Variants in ZBTB16 observed in about 807,000 individuals in gnomAD.
ZBTB16 encodes zinc finger and BTB domain-containing protein 16.
A neutral mutation model predicts 56.8 loss-of-function variants in ZBTB16; 8 were observed. The ratio of observed to expected loss-of-function variants is 0.14; its 90% CI spans 0.08 to 0.25. ZBTB16 has a LOEUF of 0.25. Ranked by LOEUF, ZBTB16 falls within the 10% of genes least tolerant of loss-of-function variation. The probability of loss-of-function intolerance (pLI) is 1.00; values close to 1 mark genes in which losing one functional copy is unlikely to be tolerated. For synonymous variants in ZBTB16, 363 were observed against 368.5 expected (o/e 0.98, Z 0.17); for missense variants, 625 against 903.0 (o/e 0.69, Z 3.95).
chr11:114,075,629 GTATA>G (rs10526570), intron 2 of ZBTB16, among the ~76,000 whole-genome samples: 1 of 141,022 alleles, frequency 7.1e-6, no homozygotes, highest in Non-Finnish European at 1.5e-5. Flanking sequence ...GCTAATTTTT[GTATA>G]TATATATATA....
At chr11:114,120,686 G>C (rs958190544) in intron 2 of ZBTB16, among the ~76,000 whole-genome samples, 5 of 152,204 alleles carry the variant, frequency 3.3e-5, no homozygotes, top group African/African-American at 1.2e-4. Flanking sequence ...TTCGGATGCT[G>C]TATTTACTTA....
intron 4 of ZBTB16, among the ~76,000 whole-genome samples, chr11:114,230,793 C>T (rs908913277): frequency 6.6e-6 from 1 of 151,966 alleles, no homozygotes; most frequent in African/African-American, 2.4e-5. Flanking sequence ...ATCAGTATTT[C>T]GTTTTATTTT....
intron 4 of ZBTB16, among the ~76,000 whole-genome samples, chr11:114,198,085 G>A (rs557669540): frequency 6.6e-6 from 1 of 152,206 alleles, no homozygotes; most frequent in South Asian, 2.1e-4. Context: ...GTATCGGGGA[G>A]GACAGGACAG....
intron 4 of ZBTB16, among the ~76,000 whole-genome samples, chr11:114,235,598 TTC>T (rs1403255044): frequency 6.6e-6 from 1 of 151,560 alleles, no homozygotes; most frequent in African/African-American, 2.4e-5. Context: ...CTTTCTCCCT[TTC>T]TCTCTCTTTC....
chr11:114,237,080 T>G (rs1239410030), intron 4 of ZBTB16: 4 of 152,262 alleles, frequency 2.6e-5, no homozygotes, highest in African/African-American at 9.7e-5. Context: ...TGCACAAGGG[T>G]GCCCAGCTGA....
At chr11:114,211,352 C>T (rs1020188604) in intron 4 of ZBTB16, among the ~76,000 whole-genome samples, 3 of 152,332 alleles carry the variant, frequency 2.0e-5, no homozygotes, top group South Asian at 2.1e-4. Flanking sequence ...CTGTCATTAA[C>T]TGTCACTGTG....
At position 114,175,121 on chromosome 11, in the gene ZBTB16, A is replaced by G. The variant is rs146118916; in HGVS notation, c.1367-11831A>G. 2.4e-3 allele frequency among the ~76,000 whole-genome samples: 366 copies of G among 152,352 alleles called. 1 individual carries two copies. Among genetic ancestry groups the G allele is most frequent in the African/African-American group, 8.2e-3 (343 of 41,580 alleles). On this transcript the variant is annotated intron_variant, in intron 3 of 6. Transcript: ENST00000335953. The stretch of plus-strand genomic sequence containing the variant: ...CAGGACTTCAAAGTTGCACAACAGC[A>G]GTGACACCACTCACTCAGAAATGGG...
chr11:114,109,427 C>T (rs552894972), intron 2 of ZBTB16, among the ~76,000 whole-genome samples: 7 of 152,294 alleles, frequency 4.6e-5, no homozygotes, highest in East Asian at 3.9e-4. Context: ...AGGCTCTGTC[C>T]GCCATGCCCT....
At position 114,060,535 on chromosome 11, in the gene ZBTB16, C is replaced by A. The variant is rs186869677; in HGVS notation, c.-91+653C>A. The A allele has an allele frequency of 1.3e-5, 2 of 151,944 alleles. No homozygotes were observed. The highest frequency in any genetic ancestry group is 2.9e-5 in the Non-Finnish European group (2 of 67,982). 9.4% of individuals were successfully genotyped at this position (151,944 alleles called of 1,614,324 possible). A position where few individuals can be genotyped will look rare whatever the true frequency, so the allele number is the denominator to read the frequency against. On this transcript the variant is annotated intron_variant, in intron 1 of 6. Coordinates refer to ENST00000335953, the MANE Select transcript of ZBTB16 (RefSeq NM_006006.6). The surrounding 1 kb of genome is among the most constrained non-coding windows in gnomAD (Gnocchi z 6.0). ...GCTGCGGGCCCTCCTCGGCTCTCGG[C>A]GGGACCGGCGGTGACACCGGAGCTC...
chr11:114,121,827 G>A (rs539930480), intron 2 of ZBTB16: 4 of 455,660 alleles, frequency 8.8e-6, no homozygotes, highest in Non-Finnish European at 1.8e-5. Flanking sequence ...GGGTCTTCTA[G>A]CATAACCTTT....
At chr11:114,161,585 C>T (rs1040103930) in intron 3 of ZBTB16, among the ~76,000 whole-genome samples, 4 of 152,064 alleles carry the variant, frequency 2.6e-5, no homozygotes, top group African/African-American at 7.2e-5. Context: ...TGAAAGGACT[C>T]GGTGAGGGGA....
intron 2 of ZBTB16, among the ~76,000 whole-genome samples, chr11:114,138,810 C>T (rs1328046246): frequency 6.6e-6 from 1 of 152,110 alleles, no homozygotes; most frequent in Non-Finnish European, 1.5e-5. Flanking sequence ...CCTGCCTCAG[C>T]CTCCTGAGTA....
chr11:114,178,536 T>C (rs1008911016), intron 3 of ZBTB16, among the ~76,000 whole-genome samples: 1 of 152,180 alleles, frequency 6.6e-6, no homozygotes, highest in African/African-American at 2.4e-5. Context: ...AGTGCATGTG[T>C]GTGTTCTGGC....
intron 2 of ZBTB16, among the ~76,000 whole-genome samples, chr11:114,103,856 G>A (rs998413648): frequency 1.2e-4 from 19 of 152,152 alleles, no homozygotes; most frequent in East Asian, 3.9e-4. Context: ...CATCAGTGGT[G>A]CACTGAACAA....
At chr11:114,109,145 C>A (rs1359103552) in intron 2 of ZBTB16, among the ~76,000 whole-genome samples, 3 of 152,220 alleles carry the variant, frequency 2.0e-5, no homozygotes, top group Non-Finnish European at 4.4e-5. Flanking sequence ...ATGCCCCATC[C>A]TCCAGATGTC....
intron 4 of ZBTB16, chr11:114,188,210 A>G (rs1943406638): frequency 6.6e-6 from 1 of 152,446 alleles, no homozygotes; most frequent in Non-Finnish European, 1.5e-5. Context: ...CCACTGCTTT[A>G]CGTGATCCCA....
chr11:114,079,774 C>T (rs760667780), intron 2 of ZBTB16, among the ~76,000 whole-genome samples: 6 of 152,150 alleles, frequency 3.9e-5, no homozygotes, highest in African/African-American at 7.2e-5. Flanking sequence ...CTTGTTGGCT[C>T]AGCACTGGGG....
intron 2 of ZBTB16, among the ~76,000 whole-genome samples, chr11:114,148,379 TCCTTCCTTCCTCCTTCCCTC>T (rs1942171280): frequency 2.2e-5 from 3 of 135,310 alleles, no homozygotes; most frequent in African/African-American, 9.1e-5. Flanking sequence ...CTTCCTTCCT[TCCTTCCTTCCTCCTTCCCTC>T]CCTCCCTCCC....
chr11:114,069,375 ACGCCC>A (rs1395938129), intron 2 of ZBTB16, among the ~76,000 whole-genome samples: 2 of 152,192 alleles, frequency 1.3e-5, no homozygotes, highest in African/African-American at 4.8e-5. Context: ...GTGAGCCACC[ACGCCC>A]GGCCTATTGC....
Sources: gnomAD v4.1 joint callset for allele counts (sites outside exome capture counted in the v4.1 genomes callset) on GRCh38, gnomAD v4.1.1 for gene constraint, Gnocchi (gnomAD v3.1) non-coding constraint, MANE v1.5 for transcripts, NCBI Gene and HGNC (gene_info 2026-07-23, HGNC 2026-07-21) for gene names.